Variants in ZNF148 observed in about 807,000 individuals in gnomAD.
ZNF148 encodes the protein Beta-Enolase Repressor Factor-1.
A neutral mutation model predicts 67.7 loss-of-function variants in ZNF148; 7 were observed. The ratio of observed to expected loss-of-function variants is 0.10; its 90% CI spans 0.06 to 0.19. The LOEUF is 0.19. Among genes scored for constraint, ZNF148 ranks in the 10% least tolerant of loss-of-function variants. The probability of loss-of-function intolerance (pLI) is 1.00; values close to 1 mark genes in which losing one functional copy is unlikely to be tolerated. For missense variants in ZNF148, 583 were observed against 947.1 expected (o/e 0.62, Z 5.05); for synonymous variants, 333 against 330.7 (o/e 1.01, Z -0.08).
At position 125,244,529 on chromosome 3, in the gene ZNF148, C is replaced by T. The variant is rs558721053; in HGVS notation, c.668-10200G>A. On this transcript the variant is annotated intron_variant, in intron 7 of 8. Coordinates refer to ENST00000360647, the MANE Select transcript of ZNF148 (RefSeq NM_021964.3). Reference sequence around the variant, plus strand: ...TTTTTTTTTCTGAGACGGAGTTTCGCTCTTGTCCCCCAGGCTGGAGGACAA... The same window carrying T: ...TTTTTTTTTCTGAGACGGAGTTTCGTTCTTGTCCCCCAGGCTGGAGGACAA... 5.9e-5 allele frequency among the ~76,000 whole-genome samples: 9 copies of T among 151,894 alleles called. No homozygotes were observed. In the South Asian group the frequency reaches 1.5e-3, roughly 25 times the overall value.
intron 4 of ZNF148, among the ~76,000 whole-genome samples, chr3:125,291,279 T>C (rs1938998069): frequency 1.3e-5 from 2 of 152,142 alleles, no homozygotes; most frequent in Admixed American, 1.3e-4. Context: ...TAAATGAATA[T>C]AAAACTATTT....
At chr3:125,284,876 T>C (rs1402413484) in intron 5 of ZNF148, among the ~76,000 whole-genome samples, 1 of 133,294 alleles carries the variant, frequency 7.5e-6, no homozygotes, top group Admixed American at 7.9e-5. Flanking sequence ...AAACCTACCT[T>C]AAGATGATCA....
Position 125,227,220 on chromosome 3 carries a change from G to A in ZNF148, c.*5121C>T, listed in dbSNP as rs954666531. On this transcript the variant is annotated 3_prime_UTR_variant, in exon 9 of 9. Transcript: ENST00000360647. The stretch of plus-strand genomic sequence containing the variant: ...TTCTATACAACAGTGTCTATATTAT[G>A]TACATATTTAATTATCAATAGGAAA... 2.6e-5 allele frequency: 4 copies of A among 152,360 alleles called. No homozygotes were observed. The highest frequency in any genetic ancestry group is 4.8e-5 in the African/African-American group (2 of 41,352). The allele number at this position is 152,360 out of a possible 1,614,324, so 9.4% of individuals were successfully genotyped here.
At chr3:125,290,683 A>G (rs1158801785) in intron 4 of ZNF148, among the ~76,000 whole-genome samples, 1 of 152,186 alleles carries the variant, frequency 6.6e-6, no homozygotes, top group Non-Finnish European at 1.5e-5. Context: ...GCAAAGTGCC[A>G]TTCTAGATAC....
At chr3:125,283,026 C>A (rs934339979) in intron 5 of ZNF148, among the ~76,000 whole-genome samples, 2 of 152,052 alleles carry the variant, frequency 1.3e-5, no homozygotes. Context: ...ACTCAAAAGA[C>A]TAATTAGATA....
In ZNF148 at chr3:125,371,376, G is replaced by T. The variant is rs1248953000; in HGVS notation, c.-234+3726C>A. On this transcript the variant is annotated intron_variant, in intron 1 of 8. Coordinates refer to ENST00000360647, the MANE Select transcript of ZNF148 (RefSeq NM_021964.3). Reference sequence around the variant, plus strand: ...TGTTTCAAAAAAAAAAAAAAAAGGGGGGGGGGGGGGCAGGGCGAAGTGGCT... The same window carrying T: ...TGTTTCAAAAAAAAAAAAAAAAGGGTGGGGGGGGGGCAGGGCGAAGTGGCT... Among the ~76,000 whole-genome samples the T allele has an allele frequency of 7.8e-4, 36 of 46,428 alleles. No homozygotes were observed. The East Asian group carries it at 0.014, about 18-fold the overall frequency. The allele number at this position is 46,428 out of a possible 152,430, so 30.5% of individuals were successfully genotyped here.
intron 1 of ZNF148, among the ~76,000 whole-genome samples, chr3:125,369,010 C>A (rs1942786039): frequency 6.8e-6 from 1 of 146,162 alleles, no homozygotes; most frequent in Non-Finnish European, 1.5e-5. Flanking sequence ...ACCTGTAATC[C>A]CAGCACTTTG....
chr3:125,344,252 T>C (rs530000734), intron 1 of ZNF148: 28 of 385,872 alleles, frequency 7.3e-5, no homozygotes, highest in Admixed American at 1.2e-4. Context: ...GAAGTGCCCA[T>C]CCCACTACCA....
At chr3:125,323,703 G>C (rs1417414968) in intron 2 of ZNF148, among the ~76,000 whole-genome samples, 1 of 152,190 alleles carries the variant, frequency 6.6e-6, no homozygotes, top group Non-Finnish European at 1.5e-5. Context: ...GCTCACGCCT[G>C]TAATCCCAGC....
intron 6 of ZNF148, among the ~76,000 whole-genome samples, 162 bp downstream of exon 6, chr3:125,278,962 A>G (rs1938221258): frequency 6.6e-6 from 1 of 152,186 alleles, no homozygotes; most frequent in African/African-American, 2.4e-5. Context: ...TTCTCACTTA[A>G]GAGTTTTTCC....
At chr3:125,356,044 A>G (rs1158671067) in intron 1 of ZNF148, among the ~76,000 whole-genome samples, 2 of 152,188 alleles carry the variant, frequency 1.3e-5, no homozygotes, top group Admixed American at 6.5e-5. Context: ...CATGAAAAAT[A>G]TATCTTCCCC....
At chr3:125,270,725 T>G (rs185507390) in intron 7 of ZNF148, among the ~76,000 whole-genome samples, 232 of 152,000 alleles carry the variant, frequency 1.5e-3, no homozygotes, top group Non-Finnish European at 2.8e-3. Context: ...GAAAAATAAC[T>G]TTAGCCAGGC....
rs1038655619 is a variant in ZNF148 at position 125,226,036 on chromosome 3, A to G, written c.*6305T>C. 2 of 152,622 alleles carry G rather than the reference A, an allele frequency of 1.3e-5. No individual in the cohort carries two copies. Among genetic ancestry groups the G allele is most frequent in the African/African-American group, 4.8e-5 (2 of 41,456 alleles). 9.5% of individuals were successfully genotyped at this position (152,622 alleles called of 1,614,324 possible). On this transcript the variant is annotated 3_prime_UTR_variant, in exon 9 of 9. Coordinates refer to ENST00000360647, the MANE Select transcript of ZNF148 (RefSeq NM_021964.3). ...AACAAATCTCCACTAATGAAAGAAA[A>G]AAGAAAAGAAATCCCACGTATGCTG...
intron 1 of ZNF148, among the ~76,000 whole-genome samples, chr3:125,350,767 C>G (rs191885057): frequency 6.6e-6 from 1 of 152,216 alleles, no homozygotes; most frequent in East Asian, 1.9e-4. Flanking sequence ...ACCTGCCACT[C>G]ACTTCCTGCT....
At chr3:125,373,115 A>T (rs1019140125) in intron 1 of ZNF148, among the ~76,000 whole-genome samples, 6 of 151,814 alleles carry the variant, frequency 4.0e-5, no homozygotes, top group African/African-American at 1.5e-4. Context: ...TTCTCATGCC[A>T]TGATGACAAT....
At chr3:125,293,930 T>A (rs1267256127) in intron 4 of ZNF148, among the ~76,000 whole-genome samples, 1 of 152,182 alleles carries the variant, frequency 6.6e-6, no homozygotes, top group Non-Finnish European at 1.5e-5. Context: ...TCCAAGATTA[T>A]CTGTCAATTA....
chr3:125,292,727 C>T (rs779896832), intron 4 of ZNF148: 2 of 152,206 alleles, frequency 1.3e-5, no homozygotes, highest in Non-Finnish European at 2.9e-5. Context: ...TGTTTTAGAA[C>T]TTGCAAGAAA....
rs544860487 is a variant in ZNF148, at chr3:125,245,337, A to G, written c.668-11008T>C. On this transcript the variant is annotated intron_variant, in intron 7 of 8. Transcript: ENST00000360647. ...TCTCACGAGATCTGACTGCTTTCTA[A>G]AACAATTTTCCTGCTCTTGCTCGCT... is the stretch of plus-strand genomic sequence containing the variant. 3.3e-5 allele frequency among the ~76,000 whole-genome samples: 5 copies of G among 152,184 alleles called. No individual in the cohort carries two copies. The East Asian group carries it at 5.8e-4, about 18-fold the overall frequency.
chr3:125,325,054 T>C (rs1425660874), intron 2 of ZNF148, among the ~76,000 whole-genome samples: 2 of 152,154 alleles, frequency 1.3e-5, no homozygotes, highest in South Asian at 2.1e-4. Context: ...CAATATATTA[T>C]GTAAAATATC....
Sources: gnomAD v4.1 joint callset for allele counts (sites outside exome capture counted in the v4.1 genomes callset) on GRCh38, gnomAD v4.1.1 for gene constraint, MANE v1.5 for transcripts, NCBI Gene and HGNC (gene_info 2026-07-23, HGNC 2026-07-21) for gene names.